LIPE: variants seen among roughly 807,000 people sequenced by gnomAD.
The protein encoded by LIPE is lipase E, hormone sensitive type.
In LIPE, 66 loss-of-function variants were observed where a neutral mutation model predicts 88.5. That is an observed-to-expected ratio of 0.75 (90% CI 0.61 to 0.91). The LOEUF (loss-of-function observed/expected upper bound fraction) is 0.91, where lower values mean the gene tolerates loss of function less well. LIPE is among the 40% of genes least tolerant of loss of function. LIPE has a pLI of 0.00. For synonymous variants in LIPE, 570 were observed against 617.5 expected, an observed-to-expected ratio of 0.92 and a Z score of 1.14; for missense variants, 1,346 against 1,434.7, an observed-to-expected ratio of 0.94 and a Z score of 1.00.
At chr19:42,415,743 G>A (rs34923099) in intron 1 of LIPE, among the ~76,000 whole-genome samples, 5,083 of 151,960 alleles carry the variant, frequency 0.033, 253 homozygotes, top group African/African-American at 0.11. Flanking sequence ...CTGGGAAGCG[G>A]AGCTTGTAGT....
intron 9 of LIPE, 35 bp from the exon 10 acceptor site, chr19:42,402,110 TG>T: frequency 7.0e-7 from 1 of 1,435,768 alleles, no homozygotes; most frequent in East Asian, 2.8e-5. Context: ...GGAGAGAGGG[TG>T]GGGGACAGAC....
At position 42,426,966 on chromosome 19, in the gene LIPE, C is replaced by T. The variant is rs1329493784; in HGVS notation, c.184G>A (p.Glu62Lys). ...ASNQRPLTQQ[E>K]TPAQHDAESQ... Reference sequence around the variant, plus strand: ...TCAGCATCATGTTGTGCAGGGGTCTCCTGCTGGGTGAGGGGTCTTTGGTTT... The same window carrying T: ...TCAGCATCATGTTGTGCAGGGGTCTTCTGCTGGGTGAGGGGTCTTTGGTTT... Residue 62 changes from glutamate to lysine, a missense_variant, in exon 1 of 10, where the codon GAG becomes AAG. Glu to Lys is a moderately conservative substitution (Grantham distance 56). Transcript: ENST00000244289. 1.9e-6 allele frequency: 3 copies of T among 1,613,862 alleles called. No individual in the cohort carries two copies. The Middle Eastern group carries it at 4.9e-4, about 265-fold the overall frequency.
At chr19:42,412,941 C>T (rs1375827861) in intron 1 of LIPE, among the ~76,000 whole-genome samples, 1 of 152,210 alleles carries the variant, frequency 6.6e-6, no homozygotes, top group Non-Finnish European at 1.5e-5. Context: ...CAGCTAGGGG[C>T]CTGAGCTGCC....
chr19:42,426,461 G>A lies in LIPE; in HGVS notation c.689C>T (p.Thr230Ile). The A allele has an allele frequency of 6.2e-7, 1 of 1,614,060 alleles. No homozygotes were observed. The highest frequency in any genetic ancestry group is 2.2e-5 in the East Asian group (1 of 44,876). Residue 230 changes from threonine to isoleucine, a missense_variant, in exon 1 of 10, where the codon ACA becomes ATA. Thr to Ile is a moderately conservative substitution (Grantham distance 89). Transcript: ENST00000244289. ...CACATCTGATTCTGACTCAGAATCT[G>A]TGACCCACTCAGAAAGTGCCTTCCA... ...LEWKALSEWVTDSESESDVGS... is the reference protein window; with the variant it reads ...LEWKALSEWVIDSESESDVGS...
At chr19:42,424,684 T>C (rs552808646) in intron 1 of LIPE, 32 of 454,856 alleles carry the variant, frequency 7.0e-5, no homozygotes, top group African/African-American at 6.2e-4. Flanking sequence ...GACCAGGGCC[T>C]CACAGATACC....
chr19:42,408,394 G>T lies in LIPE; in HGVS notation c.1420-72C>A. On this transcript the variant is annotated intron_variant, in intron 2 of 9. Coordinates refer to ENST00000244289, the MANE Select transcript of LIPE (RefSeq NM_005357.4). The surrounding 1 kb of genome is among the most constrained non-coding windows in gnomAD (Gnocchi z 4.3). Reference sequence around the variant, plus strand: ...GGGACAGGGCAGGAGCGAGGCACAGGGATGTGCGGGGAAGACACATTCATT... The same window carrying T: ...GGGACAGGGCAGGAGCGAGGCACAGTGATGTGCGGGGAAGACACATTCATT... 8.5e-7 allele frequency: 1 copy of T among 1,178,352 alleles called. No individual in the cohort carries two copies. 73.0% of individuals were successfully genotyped at this position (1,178,352 alleles called of 1,614,324 possible). A position where few individuals can be genotyped will look rare whatever the true frequency, so the allele number is the denominator to read the frequency against.
At chr19:42,416,819 G>A (rs576329067) in intron 1 of LIPE, among the ~76,000 whole-genome samples, 1 of 152,220 alleles carries the variant, frequency 6.6e-6, no homozygotes, top group Admixed American at 6.5e-5. Context: ...AAAGGGCCCT[G>A]GTGGAGTAGA....
chr19:42,421,335 T>C (rs567345150), intron 1 of LIPE, among the ~76,000 whole-genome samples: 2 of 152,346 alleles, frequency 1.3e-5, no homozygotes, highest in African/African-American at 4.8e-5. Flanking sequence ...TCTGTTCCCC[T>C]GCCTGCCCCC....
In LIPE at chr19:42,407,907, C is replaced by A. The variant is rs1357496975; in HGVS notation, c.1656+69G>T. 3.2e-6 allele frequency: 5 copies of A among 1,579,272 alleles called. No homozygotes were observed. In the Admixed American group the frequency reaches 5.5e-5, roughly 17 times the overall value. On this transcript the variant is annotated intron_variant, in intron 4 of 9. Transcript: ENST00000244289. This position sits in a 1 kb window ranked among gnomAD's most constrained non-coding sequence, Gnocchi z 5.8. ...TGTGCCATCCCTGGGCCTGGAGCCC[C>A]ACAGAGACCTACTGTGGCCTCAGAT...
intron 1 of LIPE, among the ~76,000 whole-genome samples, chr19:42,418,474 C>G (rs1053615134): frequency 1.3e-5 from 2 of 152,170 alleles, no homozygotes; most frequent in Non-Finnish European, 2.9e-5. Flanking sequence ...GCAAGACCCT[C>G]CACCAGCAAA....
At chr19:42,402,188 C>G in intron 9 of LIPE, 113 bp from the exon 10 acceptor site, 6 of 1,025,686 alleles carry the variant, frequency 5.8e-6, no homozygotes, top group Non-Finnish European at 8.0e-6. Context: ...CGGATACAGA[C>G]GGAGTGGACG....
intron 1 of LIPE, among the ~76,000 whole-genome samples, chr19:42,425,895 C>T (rs1013396649): frequency 1.5e-4 from 23 of 152,064 alleles, no homozygotes; most frequent in Non-Finnish European, 2.5e-4. Flanking sequence ...CTTTGCCTCC[C>T]GGGTTCAAGT....
Position 42,406,062 on chromosome 19 carries a change from T to A in LIPE, c.2365+99A>T, listed in dbSNP as rs2147591729. The A allele has an allele frequency of 9.8e-7, 1 of 1,024,778 alleles. No homozygotes were observed. Among genetic ancestry groups the A allele is most frequent in the East Asian group, 2.5e-5 (1 of 40,092 alleles). The allele number at this position is 1,024,778 out of a possible 1,614,324, so 63.5% of individuals were successfully genotyped here. A position where few individuals can be genotyped will look rare whatever the true frequency, so the allele number is the denominator to read the frequency against. ...GAGTCTTAGATTCCTCTGCCTGGCC[T>A]CTCCTTCCTCAGTCACAGGAGTCCT... On this transcript the variant is annotated intron_variant, in intron 7 of 9. Coordinates refer to ENST00000244289, the MANE Select transcript of LIPE (RefSeq NM_005357.4). The surrounding 1 kb of genome is among the most constrained non-coding windows in gnomAD (Gnocchi z 5.7).
intron 1 of LIPE, chr19:42,425,102 G>A (rs35002034): frequency 0.028 from 5,337 of 190,708 alleles, 276 homozygotes; most frequent in African/African-American, 0.12. Flanking sequence ...AGGCAGCCTG[G>A]CAGGGAGCAG....
rs768182980 is a variant in LIPE at position 42,426,978 on chromosome 19, G to A, written c.172C>T (p.Leu58Phe). Reference protein sequence around the residue: ...QQKPASNQRPLTQQETPAQHD... With the variant: ...QQKPASNQRPFTQQETPAQHD... ...TGTGCAGGGGTCTCCTGCTGGGTGA[G>A]GGGTCTTTGGTTTGAAGCAGGCTTC... Residue 58 changes from leucine (L) to phenylalanine (F), a missense_variant, in exon 1 of 10, where the codon CTC becomes TTC. Physicochemically the swap from Leu to Phe is conservative, Grantham distance 22. Transcript: ENST00000244289. 3.1e-6 allele frequency: 5 copies of A among 1,614,050 alleles called. No individual in the cohort carries two copies. The highest frequency in any genetic ancestry group is 4.2e-6 in the Non-Finnish European group (5 of 1,180,012).
At position 42,426,805 on chromosome 19, in the gene LIPE, C is replaced by T. The variant is rs1268830838; in HGVS notation, c.345G>A (p.Gln115=). The change falls in exon 1 of 10, where the codon CAG becomes CAA. Residue 115 remains glutamine, a synonymous_variant. Transcript: ENST00000244289. The part of the protein sequence containing the change: ...LLTQQEAASQ[Q]GPGLGKESIT... ...TAGATTCTTTTCCTAGCCCAGGTCC[C>T]TGCTGGGAGGCAGCTTCCTGTTGAG... 3 of 1,614,008 alleles carry T rather than the reference C, an allele frequency of 1.9e-6. No homozygotes were observed. The highest frequency in any genetic ancestry group is 1.3e-5 in the African/African-American group (1 of 74,904).
chr19:42,427,317 T>G lies in LIPE; in HGVS notation c.-168A>C. The G allele has an allele frequency of 7.5e-7, 1 of 1,336,294 alleles. No individual in the cohort carries two copies. The highest frequency in any genetic ancestry group is 9.8e-7 in the Non-Finnish European group (1 of 1,021,982). The allele number at this position is 1,336,294 out of a possible 1,614,324, so 82.8% of individuals were successfully genotyped here. On this transcript the variant is annotated 5_prime_UTR_variant, in exon 1 of 10. Transcript: ENST00000244289. ...TCTTCCTTTTTAAGGCAGCTGGCAG[T>G]TGGCCGATCACAGCTGGCCCCCACT...
intron 2 of LIPE, among the ~76,000 whole-genome samples, chr19:42,409,492 T>C (rs1483643590): frequency 2.0e-5 from 3 of 151,938 alleles, no homozygotes; most frequent in Non-Finnish European, 2.9e-5. Context: ...CGGGTTCTTC[T>C]GTTCACTCTG....
In LIPE at chr19:42,407,736, G is replaced by A. The variant is rs926430657; in HGVS notation, c.1712C>T (p.Pro571Leu). 1 of 1,567,808 alleles carries A rather than the reference G, an allele frequency of 6.4e-7. No individual in the cohort carries two copies. Among genetic ancestry groups the A allele is most frequent in the South Asian group, 1.2e-5 (1 of 83,112 alleles). ...CAGTGGCATCTCAAAGGCTTCGGGT[G>A]GCAGGCTGAGCAGGCGGCTTACCCT... ...TVRVSRLLSL[P>L]PEAFEMPLTA... The change falls in exon 5 of 10, where the codon CCA becomes CTA. Residue 571 changes from proline to leucine, a missense_variant. Transcript: ENST00000244289. This position sits in a 1 kb window ranked among gnomAD's most constrained non-coding sequence, Gnocchi z 5.8.
Sources: allele counts gnomAD v4.1 joint callset (sites outside exome capture counted in the v4.1 genomes callset), GRCh38; gene constraint gnomAD v4.1.1; non-coding constraint Gnocchi (gnomAD v3.1); transcripts MANE v1.5; gene names NCBI Gene and HGNC (gene_info 2026-07-23, HGNC 2026-07-21).